ZNF423: variants seen among roughly 807,000 people sequenced by gnomAD.
ZNF423 encodes Ebf-associated zinc finger protein.
Under a neutral mutation model 95.8 loss-of-function variants are expected in ZNF423, and 12 were observed. The ratio of observed to expected loss-of-function variants is 0.13; its 90% CI spans 0.08 to 0.20. ZNF423 has a LOEUF of 0.20. ZNF423 is among the 10% of genes least tolerant of loss of function. ZNF423 has a pLI of 1.00. For missense variants in ZNF423, 1,316 were observed against 1,737.1 expected, an observed-to-expected ratio of 0.76 and a Z score of 4.31; for synonymous variants, 749 against 711.9, an observed-to-expected ratio of 1.05 and a Z score of -0.83.
chr16:49,512,445 C>A (rs6500230), intron 7 of ZNF423, among the ~76,000 whole-genome samples: 7,593 of 152,290 alleles, frequency 0.05, 274 homozygotes, highest in African/African-American at 0.1. Flanking sequence ...CTCTTGAAAG[C>A]AAGAGAATGC....
chr16:49,744,023 G>T (rs966722172), intron 2 of ZNF423, among the ~76,000 whole-genome samples: 5 of 152,072 alleles, frequency 3.3e-5, no homozygotes, highest in African/African-American at 1.2e-4. Context: ...ACTGGAGGAG[G>T]GTGGCAGCCT....
chr16:49,707,177 G>A (rs1472410852), intron 3 of ZNF423, among the ~76,000 whole-genome samples: 3 of 151,992 alleles, frequency 2.0e-5, no homozygotes, highest in East Asian at 1.9e-4. Flanking sequence ...CCGGTACCCC[G>A]ACGCCCTGTG....
intron 2 of ZNF423, among the ~76,000 whole-genome samples, chr16:49,779,543 C>G (rs2034174721): frequency 6.6e-6 from 1 of 152,060 alleles, no homozygotes; most frequent in South Asian, 2.1e-4. Context: ...AGCACTGGTG[C>G]AAACCACCCC....
At chr16:49,692,494 AC>A (rs2031821795) in intron 3 of ZNF423, among the ~76,000 whole-genome samples, 1 of 151,808 alleles carries the variant, frequency 6.6e-6, no homozygotes, top group African/African-American at 2.4e-5. Context: ...TCGGTGTTGG[AC>A]CCAAGAACCA....
chr16:49,651,865 C>T (rs1441506571), intron 3 of ZNF423, among the ~76,000 whole-genome samples: 1 of 152,188 alleles, frequency 6.6e-6, no homozygotes, highest in East Asian at 1.9e-4. Flanking sequence ...TCCCTGAGCC[C>T]TGATTGATAA....
At chr16:49,496,925 C>A (rs1967185517) in intron 7 of ZNF423, among the ~76,000 whole-genome samples, 1 of 152,202 alleles carries the variant, frequency 6.6e-6, no homozygotes. Context: ...GACTGACCAG[C>A]TGTACCCCTC....
intron 7 of ZNF423, among the ~76,000 whole-genome samples, chr16:49,491,524 C>G (rs1966962548): frequency 6.8e-6 from 1 of 147,862 alleles, no homozygotes; most frequent in African/African-American, 2.5e-5. Context: ...CTTGGACTCC[C>G]TATATGTTGT....
intron 5 of ZNF423, among the ~76,000 whole-genome samples, chr16:49,560,676 C>T (rs560780455): frequency 3.7e-4 from 57 of 152,246 alleles, no homozygotes; most frequent in Non-Finnish European, 4.9e-4. Context: ...GAAAGTGGAA[C>T]GGAACTCTTT....
At chr16:49,568,841 G>A (rs972284640) in intron 5 of ZNF423, among the ~76,000 whole-genome samples, 3 of 151,998 alleles carry the variant, frequency 2.0e-5, no homozygotes, top group African/African-American at 7.2e-5. Context: ...CAGCACACAC[G>A]GGGAGCTCCT....
chr16:49,775,729 G>A (rs534948987), intron 2 of ZNF423, among the ~76,000 whole-genome samples: 229 of 152,264 alleles, frequency 1.5e-3, no homozygotes, highest in Non-Finnish European at 2.8e-3. Flanking sequence ...GTGAGTCCTG[G>A]AAGTCAGGGA....
In ZNF423 at chr16:49,626,162, T is replaced by A; in HGVS notation, c.3601+8A>T. On this transcript the variant is annotated splice_region_variant and intron_variant, in intron 5 of 7. Transcript: ENST00000563137. ...CTCCAGCATGGCTGGGAGGAAATGCTCTCTTACCAATCATGTGGTTGGCAA... is the reference window on the plus strand; with the variant it reads ...CTCCAGCATGGCTGGGAGGAAATGCACTCTTACCAATCATGTGGTTGGCAA... 3 of 1,613,744 alleles carry A rather than the reference T, an allele frequency of 1.9e-6. No individual in the cohort carries two copies. Among genetic ancestry groups the A allele is most frequent in the Non-Finnish European group, 2.5e-6 (3 of 1,179,720 alleles).
intron 1 of ZNF423, among the ~76,000 whole-genome samples, chr16:49,794,192 C>T (rs1469755515): frequency 3.3e-5 from 5 of 151,788 alleles, no homozygotes; most frequent in Admixed American, 1.3e-4. Flanking sequence ...CATGCCACCA[C>T]GCCCGGTGGA....
Position 49,727,217 on chromosome 16 carries a change from C to T in ZNF423, c.301+3554G>A, listed in dbSNP as rs185220527. On this transcript the variant is annotated intron_variant, in intron 3 of 7. Transcript: ENST00000563137. Reference sequence around the variant, plus strand: ...GAGTTGTCCGAGACCTTAAAGTCCACGCTTCAACAGCTCATGGGCCCGGCA... The same window carrying T: ...GAGTTGTCCGAGACCTTAAAGTCCATGCTTCAACAGCTCATGGGCCCGGCA... Among the ~76,000 whole-genome samples the T allele has an allele frequency of 7.8e-4, 119 of 152,302 alleles. 1 individual carries two copies. The highest frequency in any genetic ancestry group is 3.4e-3 in the Admixed American group (52 of 15,302).
At chr16:49,792,863 G>A (rs2034437917) in intron 1 of ZNF423, among the ~76,000 whole-genome samples, 1 of 152,176 alleles carries the variant, frequency 6.6e-6, no homozygotes, top group Non-Finnish European at 1.5e-5. Flanking sequence ...CTGGGCTCAA[G>A]TGATCCTCCC....
intron 2 of ZNF423, among the ~76,000 whole-genome samples, chr16:49,743,726 A>G (rs1596957644): frequency 1.3e-5 from 2 of 152,026 alleles, no homozygotes; most frequent in Admixed American, 1.3e-4. Flanking sequence ...CTTCCCACCA[A>G]TGATCCTCCT....
chr16:49,640,368 A>G (rs1031029258), intron 3 of ZNF423, among the ~76,000 whole-genome samples: 1 of 152,090 alleles, frequency 6.6e-6, no homozygotes, highest in Non-Finnish European at 1.5e-5. Context: ...ACTATCACTC[A>G]CAAACTTAAA....
intron 5 of ZNF423, among the ~76,000 whole-genome samples, chr16:49,545,125 A>G (rs1048343433): frequency 2.0e-5 from 3 of 152,206 alleles, no homozygotes; most frequent in Non-Finnish European, 4.4e-5. Context: ...CTCTGCCAAC[A>G]ATGGCCCTTC....
intron 1 of ZNF423, among the ~76,000 whole-genome samples, chr16:49,816,677 G>A (rs1331447625): frequency 6.6e-6 from 1 of 152,090 alleles, no homozygotes; most frequent in Non-Finnish European, 1.5e-5. Flanking sequence ...CCAGCTACTG[G>A]GGAGGCTGAG....
At chr16:49,645,744 C>G (rs1596782708) in intron 3 of ZNF423, among the ~76,000 whole-genome samples, 1 of 152,170 alleles carries the variant, frequency 6.6e-6, no homozygotes, top group Admixed American at 6.5e-5. Context: ...TGGGAGGGAC[C>G]TGGTGGGAGG....
Sources: gnomAD v4.1 joint callset for allele counts (sites outside exome capture counted in the v4.1 genomes callset) on GRCh38, gnomAD v4.1.1 for gene constraint, MANE v1.5 for transcripts, NCBI Gene and HGNC (gene_info 2026-07-23, HGNC 2026-07-21) for gene names.